The following ASAP1 variants were observed in gnomAD, a reference collection of about 807,000 sequenced individuals.
The protein encoded by ASAP1 is ArfGAP with SH3 domain, ankyrin repeat and PH domain 1, also known as arf-GAP with SH3 domain, ANK repeat and PH domain-containing protein 1.
Under a neutral mutation model 145.2 loss-of-function variants are expected in ASAP1, and 43 were observed. The observed-to-expected ratio is 0.30, with a 90% confidence interval of 0.23 to 0.38. The LOEUF is 0.38. Ranked by LOEUF, ASAP1 falls within the 10% of genes least tolerant of loss-of-function variation. The pLI, the probability that ASAP1 is intolerant of heterozygous loss-of-function variation, is 1.00. For synonymous variants in ASAP1, 546 were observed against 515.5 expected (o/e 1.06, Z -0.80); for missense variants, 1,018 against 1,355.3 (o/e 0.75, Z 3.91).
chr8:130,357,206 A>AC (rs967214666), intron 3 of ASAP1, among the ~76,000 whole-genome samples: 1 of 133,432 alleles, frequency 7.5e-6, no homozygotes, highest in Admixed American at 7.6e-5. Context: ...CCTGCCCCCC[A>AC]CCCCCCACCA....
chr8:130,070,491 G>C (rs907530780), intron 27 of ASAP1, among the ~76,000 whole-genome samples: 1 of 152,040 alleles, frequency 6.6e-6, no homozygotes, highest in Admixed American at 6.6e-5. Flanking sequence ...CAGAGTAGAA[G>C]CTAGAGTGCT....
intron 11 of ASAP1, 92 bp from the exon 12 acceptor site, chr8:130,160,056 G>A (rs1008570273): frequency 3.0e-5 from 32 of 1,055,072 alleles, no homozygotes; most frequent in East Asian, 2.9e-4. Flanking sequence ...GCACTGGTCT[G>A]GGTCTAAGGG....
At chr8:130,283,638 A>G (rs1482387505) in intron 3 of ASAP1, among the ~76,000 whole-genome samples, 1 of 151,460 alleles carries the variant, frequency 6.6e-6, no homozygotes, top group Non-Finnish European at 1.5e-5. Flanking sequence ...AGACAGCTAA[A>G]GAAGGCCAAA....
At chr8:130,279,534 C>T (rs77764044) in intron 3 of ASAP1, among the ~76,000 whole-genome samples, 2,583 of 152,272 alleles carry the variant, frequency 0.017, 36 homozygotes, top group East Asian at 0.053. Context: ...AATAAATTTG[C>T]TTTTGAAACA....
intron 2 of ASAP1, among the ~76,000 whole-genome samples, chr8:130,377,076 G>A (rs1346589584): frequency 6.6e-6 from 1 of 152,066 alleles, no homozygotes; most frequent in Non-Finnish European, 1.5e-5. Context: ...CAAATAGCAT[G>A]GACAGACAAA....
intron 1 of ASAP1, among the ~76,000 whole-genome samples, chr8:130,440,309 C>T (rs567101052): frequency 1.3e-5 from 2 of 152,096 alleles, no homozygotes; most frequent in Non-Finnish European, 2.9e-5. Flanking sequence ...GAGTTTGAGA[C>T]CATCCTGATC....
At chr8:130,094,450 A>T (rs2097512866) in intron 24 of ASAP1, among the ~76,000 whole-genome samples, 1 of 152,080 alleles carries the variant, frequency 6.6e-6, no homozygotes, top group South Asian at 2.1e-4. Flanking sequence ...TGAACTCCTG[A>T]GCTGAAGCGA....
intron 5 of ASAP1, among the ~76,000 whole-genome samples, chr8:130,204,325 G>A (rs915460170): frequency 5.3e-5 from 8 of 152,118 alleles, no homozygotes; most frequent in African/African-American, 7.2e-5. Flanking sequence ...CCACAAAACC[G>A]GTCCCTGGTG....
At chr8:130,273,073 C>T (rs1820677238) in intron 3 of ASAP1, among the ~76,000 whole-genome samples, 1 of 152,144 alleles carries the variant, frequency 6.6e-6, no homozygotes, top group African/African-American at 2.4e-5. Flanking sequence ...CTCATAATTA[C>T]ACATCCTATG....
chr8:130,154,372 TTG>T (rs1014391081), intron 12 of ASAP1, among the ~76,000 whole-genome samples: 29 of 152,204 alleles, frequency 1.9e-4, no homozygotes, highest in African/African-American at 7.0e-4. Context: ...TGGAAGAGTT[TTG>T]TGTGTGTGAA....
At position 130,071,011 on chromosome 8, in the gene ASAP1, G is replaced by GGGAGAGAGAGA. The variant is rs2097444917; in HGVS notation, c.2701+5336_2701+5337insTCTCTCTCTCC. Among the ~76,000 whole-genome samples the GGGAGAGAGAGA allele has an allele frequency of 2.6e-4, 3 of 11,436 alleles. 1 individual carries two copies. Among genetic ancestry groups the GGGAGAGAGAGA allele is most frequent in the African/African-American group, 1.3e-3 (3 of 2,232 alleles). The allele number at this position is 11,436 out of a possible 152,430, so 7.5% of individuals were successfully genotyped here. A position where few individuals can be genotyped will look rare whatever the true frequency, so the allele number is the denominator to read the frequency against. On this transcript the variant is annotated intron_variant, in intron 27 of 29. Transcript: ENST00000518721. ...AGAGAGAGAGAGAGAGGGGAGGGGG[G>GGGAGAGAGAGA]GAGAGAGAGAGAGAGAGAGAGAGAG...
intron 3 of ASAP1, among the ~76,000 whole-genome samples, chr8:130,264,110 CAT>C (rs1344393333): frequency 3.1e-4 from 47 of 152,328 alleles, no homozygotes; most frequent in African/African-American, 1.1e-3. Flanking sequence ...ACACAACACA[CAT>C]GTCTTTCTTG....
At chr8:130,380,800 C>T (rs1475106771) in intron 2 of ASAP1, among the ~76,000 whole-genome samples, 1 of 152,130 alleles carries the variant, frequency 6.6e-6, no homozygotes, top group Non-Finnish European at 1.5e-5. Context: ...CTTATTGCAG[C>T]CTCAACCTCC....
chr8:130,253,281 G>T (rs1176559289), intron 3 of ASAP1, among the ~76,000 whole-genome samples: 1 of 152,070 alleles, frequency 6.6e-6, no homozygotes. Flanking sequence ...CTATAAAACA[G>T]GGAAATTTAT....
intron 6 of ASAP1, 135 bp from the exon 7 acceptor site, chr8:130,187,420 A>C: frequency 1.8e-6 from 1 of 569,052 alleles, no homozygotes. Context: ...ACGTTACACC[A>C]TTTTTTTTTT....
intron 3 of ASAP1, among the ~76,000 whole-genome samples, chr8:130,326,374 A>C (rs1402228339): frequency 6.6e-6 from 1 of 152,242 alleles, no homozygotes; most frequent in African/African-American, 2.4e-5. Flanking sequence ...CTTTCCTACA[A>C]CTTTTATAAA....
intron 24 of ASAP1, among the ~76,000 whole-genome samples, chr8:130,096,452 C>T (rs1361782326): frequency 6.6e-6 from 1 of 152,168 alleles, no homozygotes; most frequent in Non-Finnish European, 1.5e-5. Context: ...ATTTTCTCTC[C>T]TGAACTCTGC....
chr8:130,407,586 A>G (rs763718304), intron 1 of ASAP1, among the ~76,000 whole-genome samples: 3 of 152,244 alleles, frequency 2.0e-5, no homozygotes, highest in Non-Finnish European at 4.4e-5. Context: ...AGCGACAGAA[A>G]GATTTAAAGC....
intron 3 of ASAP1, among the ~76,000 whole-genome samples, chr8:130,245,347 G>A (rs547066218): frequency 5.8e-4 from 88 of 152,212 alleles, no homozygotes; most frequent in Non-Finnish European, 4.4e-4. Flanking sequence ...AACATTTAAC[G>A]TCTTCTACGG....
Sources: gnomAD v4.1 joint callset for allele counts (sites outside exome capture counted in the v4.1 genomes callset) on GRCh38, gnomAD v4.1.1 for gene constraint, MANE v1.5 for transcripts, NCBI Gene and HGNC (gene_info 2026-07-23, HGNC 2026-07-21) for gene names.